Variants in CDH7 observed in about 807,000 individuals in gnomAD.
The protein encoded by CDH7 is cadherin 7.
CDH7 carries 25 observed loss-of-function variants against 71.8 expected under a neutral mutation model. That is an observed-to-expected ratio of 0.35 (90% CI 0.25 to 0.49). The LOEUF (loss-of-function observed/expected upper bound fraction) is 0.49. CDH7 is among the 20% of genes least tolerant of loss of function. The probability of loss-of-function intolerance (pLI) is 0.99; values close to 1 mark genes in which losing one functional copy is unlikely to be tolerated. For synonymous variants in CDH7, 381 were observed against 363.8 expected (o/e 1.05, Z -0.54); for missense variants, 862 against 974.6 (o/e 0.88, Z 1.54).
At chr18:65,831,626 C>T (rs12457637) in intron 6 of CDH7, among the ~76,000 whole-genome samples, 1 of 151,928 alleles carries the variant, frequency 6.6e-6, no homozygotes, top group South Asian at 2.1e-4. Context: ...AAACATGGAG[C>T]CTACATTATA....
At chr18:65,863,001 G>C in intron 11 of CDH7, 84 bp downstream of exon 11, 1 of 1,398,804 alleles carries the variant, frequency 7.1e-7, no homozygotes, top group Non-Finnish European at 9.9e-7. Flanking sequence ...TCTCCATTTG[G>C]TGAACATATG....
In CDH7 at chr18:65,890,152, T is replaced by C. The variant is rs1244322521; in HGVS notation, c.*9258T>C. On this transcript the variant is annotated 3_prime_UTR_variant, in exon 12 of 12. Transcript: ENST00000397968. ...TATGCCACTATCTTTATAGGAAGCT[T>C]TACCGACTTTGTACGACTTGGTTTA... is the stretch of plus-strand genomic sequence containing the variant. The C allele has an allele frequency of 6.6e-6, 1 of 152,166 alleles. No homozygotes were observed. Among genetic ancestry groups the C allele is most frequent in the African/African-American group, 2.4e-5 (1 of 41,434 alleles). 9.4% of individuals were successfully genotyped at this position (152,166 alleles called of 1,614,324 possible). A position where few individuals can be genotyped will look rare whatever the true frequency, so the allele number is the denominator to read the frequency against.
intron 6 of CDH7, among the ~76,000 whole-genome samples, chr18:65,829,988 C>T (rs1912281019): frequency 6.6e-6 from 1 of 152,104 alleles, no homozygotes; most frequent in South Asian, 2.1e-4. Flanking sequence ...CTGGTCAGTC[C>T]TACCAGGGCT....
chr18:65,750,474 C>T (rs1915829876), upstream of CDH7: 1 of 152,312 alleles, frequency 6.6e-6, no homozygotes, highest in Admixed American at 6.5e-5. Context: ...GATGGATGGG[C>T]TGCAGCCCCT....
rs774507936 is a variant in CDH7, at chr18:65,886,857, G to A, written c.*5963G>A. On this transcript the variant is annotated 3_prime_UTR_variant, in exon 12 of 12. Transcript: ENST00000397968. ...ACAACAGCTCATCTTAATCTCTTAC[G>A]AATGAAGAAACTCTAGGAAACTAAA... is the stretch of plus-strand genomic sequence containing the variant. 8 of 152,128 alleles carry A rather than the reference G, an allele frequency of 5.3e-5. No homozygotes were observed. The highest frequency in any genetic ancestry group is 2.1e-4 in the South Asian group (1 of 4,816). The allele number at this position is 152,128 out of a possible 1,614,324, so 9.4% of individuals were successfully genotyped here.
At chr18:65,875,785 A>G (rs533283895) in intron 11 of CDH7, among the ~76,000 whole-genome samples, 9 of 152,022 alleles carry the variant, frequency 5.9e-5, no homozygotes, top group Non-Finnish European at 8.8e-5. Context: ...AAAAATAGCC[A>G]TGTGTGGTGG....
rs4047846 is a variant in CDH7, at chr18:65,853,906, CATATATATATAT to C, written c.1236-3871_1236-3860del. Reference sequence around the variant, plus strand: ...AGGAAATGATAACATCATAAATTACCATATATATATATATATATATATATATATATATATATA... The same window carrying C: ...AGGAAATGATAACATCATAAATTACCATATATATATATATATATATATATA... On this transcript the variant is annotated intron_variant, in intron 7 of 11. Coordinates refer to ENST00000397968, the MANE Select transcript of CDH7 (RefSeq NM_004361.5). Among the ~76,000 whole-genome samples the C allele has an allele frequency of 6.9e-3, 235 of 34,178 alleles. 2 individuals carry two copies. The highest frequency in any genetic ancestry group is 0.023 in the East Asian group (8 of 352). 22.4% of individuals were successfully genotyped at this position (34,178 alleles called of 152,430 possible). A position where few individuals can be genotyped will look rare whatever the true frequency, so the allele number is the denominator to read the frequency against.
chr18:65,832,529 TA>T (rs903293967), intron 6 of CDH7, among the ~76,000 whole-genome samples: 20 of 151,992 alleles, frequency 1.3e-4, no homozygotes, highest in African/African-American at 4.3e-4. Flanking sequence ...TAATCACTCT[TA>T]TACTTTAAGA....
At chr18:65,793,486 T>A (rs1025642166) in intron 2 of CDH7, among the ~76,000 whole-genome samples, 3 of 152,050 alleles carry the variant, frequency 2.0e-5, no homozygotes, top group African/African-American at 7.2e-5. Context: ...TTTATTTCTA[T>A]TTTATTACAA....
chr18:65,814,731 T>G, intron 4 of CDH7, 127 bp downstream of exon 4: 1 of 728,054 alleles, frequency 1.4e-6, no homozygotes, highest in Non-Finnish European at 2.1e-6. Flanking sequence ...ATATGTCTAC[T>G]TTGGTAAGCA....
At chr18:65,838,991 G>A (rs991454915) in intron 6 of CDH7, among the ~76,000 whole-genome samples, 1 of 152,136 alleles carries the variant, frequency 6.6e-6, no homozygotes, top group East Asian at 1.9e-4. Context: ...TTTTGTGTCA[G>A]TCACTGTTCT....
At position 65,887,702 on chromosome 18, in the gene CDH7, C is replaced by CT. The variant is rs2144086434; in HGVS notation, c.*6813dup. On this transcript the variant is annotated 3_prime_UTR_variant, in exon 12 of 12. Transcript: ENST00000397968. ...AAAGTAAATGACTTTTAAATATTTT[C>CT]TTTTTAGCTTTTAAGATGTCTATTA... 6.6e-6 allele frequency: 1 copy of CT among 152,050 alleles called. No homozygotes were observed. 9.4% of individuals were successfully genotyped at this position (152,050 alleles called of 1,614,324 possible). A position where few individuals can be genotyped will look rare whatever the true frequency, so the allele number is the denominator to read the frequency against.
chr18:65,819,047 G>A (rs1911822604), intron 4 of CDH7, among the ~76,000 whole-genome samples: 2 of 151,920 alleles, frequency 1.3e-5, no homozygotes, highest in Admixed American at 6.6e-5. Flanking sequence ...AAACTGGTAG[G>A]AACCAGCAGA....
intron 6 of CDH7, among the ~76,000 whole-genome samples, chr18:65,840,943 A>G (rs770372019): frequency 6.6e-6 from 1 of 152,094 alleles, no homozygotes; most frequent in South Asian, 2.1e-4. Flanking sequence ...ATAGTTATGG[A>G]CTATATTACA....
chr18:65,847,846 A>G (rs183400682), intron 7 of CDH7, among the ~76,000 whole-genome samples: 3 of 152,260 alleles, frequency 2.0e-5, no homozygotes, highest in Admixed American at 6.5e-5. Context: ...CATTTCATGT[A>G]CACTGTACTG....
chr18:65,859,673 A>G (rs1431269151), intron 9 of CDH7, 35 bp from the exon 10 acceptor site: 4 of 1,251,450 alleles, frequency 3.2e-6, no homozygotes, highest in Middle Eastern at 1.8e-4. Context: ...ATAGCACACC[A>G]ATGTGCTTTC....
intron 11 of CDH7, chr18:65,863,263 C>T: frequency 3.8e-6 from 1 of 263,990 alleles, no homozygotes; most frequent in East Asian, 8.7e-5. Context: ...GTCTTGAACT[C>T]CTGACCTCAG....
rs150370086 is a variant in CDH7, at chr18:65,799,415, A to C, written c.211-10289A>C. Among the ~76,000 whole-genome samples, 1,120 of 152,118 alleles carry C rather than the reference A, an allele frequency of 7.4e-3. 19 individuals carry two copies. The highest frequency in any genetic ancestry group is 0.026 in the African/African-American group (1,059 of 41,514). ...AATCCTGGCCGGGTGCGGTGGCTCA[A>C]GCCTGTAATCCCAGCACTTTGGGAG... On this transcript the variant is annotated intron_variant, in intron 2 of 11. Transcript: ENST00000397968.
At chr18:65,813,307 G>A (rs577810123) in intron 3 of CDH7, among the ~76,000 whole-genome samples, 2 of 152,104 alleles carry the variant, frequency 1.3e-5, no homozygotes. Flanking sequence ...ACTCCAGCCT[G>A]GGCAAGAAGA....
Sources: gnomAD v4.1 joint callset for allele counts (sites outside exome capture counted in the v4.1 genomes callset) on GRCh38, gnomAD v4.1.1 for gene constraint, MANE v1.5 for transcripts, NCBI Gene and HGNC (gene_info 2026-07-23, HGNC 2026-07-21) for gene names.